SMARCAL1: variants seen among roughly 807,000 people sequenced by gnomAD.
The protein encoded by SMARCAL1 is ATP-driven annealing helicase.
SMARCAL1 carries 58 observed loss-of-function variants against 94.5 expected under a neutral mutation model. The observed-to-expected ratio is 0.61, with a 90% CI of 0.50 to 0.76. The LOEUF is 0.76. Ranked by LOEUF, SMARCAL1 falls within the 30% of genes least tolerant of loss-of-function variation. The probability of loss-of-function intolerance (pLI) is 0.00; values close to 1 mark genes in which losing one functional copy is unlikely to be tolerated. For missense variants in SMARCAL1, 1,051 were observed against 1,177.9 expected (o/e 0.89, Z 1.58); for synonymous variants, 422 against 455.1 (o/e 0.93, Z 0.93).
chr2:216,478,071 C>A, intron 16 of SMARCAL1, 132 bp from the exon 17 acceptor site: 1 of 820,916 alleles, frequency 1.2e-6, no homozygotes, highest in Admixed American at 1.8e-5. Flanking sequence ...GGTGTTTGCA[C>A]CTTGAGAGAT....
intron 4 of SMARCAL1, among the ~76,000 whole-genome samples, chr2:216,418,961 A>C (rs1474808933): frequency 2.0e-5 from 3 of 152,224 alleles, no homozygotes; most frequent in Non-Finnish European, 4.4e-5. Flanking sequence ...ATAGCTGTAT[A>C]ACATTCTGTC....
intron 16 of SMARCAL1, among the ~76,000 whole-genome samples, chr2:216,477,538 G>T (rs537384957): frequency 1.4e-4 from 22 of 152,352 alleles, no homozygotes; most frequent in African/African-American, 5.3e-4. Context: ...GTTCCCAGCT[G>T]TGAAGGCATT....
chr2:216,462,259 G>A (rs1351584669), intron 12 of SMARCAL1, among the ~76,000 whole-genome samples: 2 of 152,160 alleles, frequency 1.3e-5, no homozygotes. Flanking sequence ...TCTTATTAGG[G>A]AGTATGGCAT....
At chr2:216,423,604 AT>A in intron 5 of SMARCAL1, 28 bp from the exon 6 acceptor site, 1 of 1,595,812 alleles carries the variant, frequency 6.3e-7, no homozygotes, top group Non-Finnish European at 8.6e-7. Context: ...AGGGTGTCCT[AT>A]TTGCTTATTT....
intron 12 of SMARCAL1, chr2:216,451,605 G>C (rs755222172): frequency 1.3e-4 from 22 of 169,102 alleles, no homozygotes; most frequent in Non-Finnish European, 2.5e-4. Flanking sequence ...TACAGAGAGG[G>C]AAACTGAGGC....
intron 12 of SMARCAL1, among the ~76,000 whole-genome samples, chr2:216,453,999 T>G (rs1038320876): frequency 6.6e-6 from 1 of 152,254 alleles, no homozygotes; most frequent in Admixed American, 6.5e-5. Context: ...TGTAATCATC[T>G]TTTGTCTAAA....
chr2:216,418,474 A>G (rs1693651475), intron 4 of SMARCAL1, among the ~76,000 whole-genome samples: 1 of 152,166 alleles, frequency 6.6e-6, no homozygotes, highest in Non-Finnish European at 1.5e-5. Context: ...TTGTATTTCT[A>G]AGTTTCAGAT....
intron 12 of SMARCAL1, among the ~76,000 whole-genome samples, chr2:216,455,964 C>T (rs112713869): frequency 0.096 from 14,681 of 152,142 alleles, 877 homozygotes; most frequent in South Asian, 0.18. Flanking sequence ...AAAGATTAGA[C>T]GAATGGCTAA....
At position 216,435,386 on chromosome 2, in the gene SMARCAL1, G is replaced by A. The variant is rs35087810; in HGVS notation, c.1534G>A (p.Val512Met). ...PSLSPDCINV[V>M]VTGKDRLTAG... ...TCTGAGCCCAGATTGCATCAACGTC[G>A]TGGTGACTGGGAAGGACCGCCTGAC... Residue 512 changes from valine (V) to methionine (M), a missense_variant, in exon 9 of 18, where the codon GTG becomes ATG. By Grantham distance (21) the Val-to-Met change is conservative. Coordinates refer to ENST00000357276, the MANE Select transcript of SMARCAL1 (RefSeq NM_014140.4). 5.8e-4 allele frequency: 933 copies of A among 1,614,138 alleles called. 3 individuals are homozygous for A. The African/African-American group carries it at 0.011, about 19-fold the overall frequency.
At chr2:216,415,735 T>C (rs1028027456) in intron 3 of SMARCAL1, among the ~76,000 whole-genome samples, 11 of 152,198 alleles carry the variant, frequency 7.2e-5, no homozygotes, top group Non-Finnish European at 1.5e-4. Context: ...TGGAGAACAG[T>C]TGAATGTTAC....
intron 14 of SMARCAL1, among the ~76,000 whole-genome samples, chr2:216,469,695 A>C (rs770429493): frequency 6.6e-6 from 1 of 152,152 alleles, no homozygotes; most frequent in African/African-American, 2.4e-5. Context: ...GTTTGTATCT[A>C]TGCATTTCTT....
intron 10 of SMARCAL1, among the ~76,000 whole-genome samples, chr2:216,444,943 G>T (rs1171546581): frequency 1.3e-5 from 2 of 152,192 alleles, no homozygotes; most frequent in Non-Finnish European, 2.9e-5. Flanking sequence ...AACCCACGAA[G>T]AAACTAAGCC....
At chr2:216,462,479 G>A (rs190674537) in intron 12 of SMARCAL1, among the ~76,000 whole-genome samples, 1 of 152,274 alleles carries the variant, frequency 6.6e-6, no homozygotes, top group East Asian at 1.9e-4. Context: ...TCCATGAATG[G>A]ATTTCATGAA....
At chr2:216,461,003 T>C (rs1694685087) in intron 12 of SMARCAL1, among the ~76,000 whole-genome samples, 1 of 151,280 alleles carries the variant, frequency 6.6e-6, no homozygotes, top group Non-Finnish European at 1.5e-5. Context: ...CAAAACCAGA[T>C]TAAGGAATGG....
At position 216,475,159 on chromosome 2, in the gene SMARCAL1, G is replaced by A. The variant is rs1337520850; in HGVS notation, c.2245-110G>A. On this transcript the variant is annotated intron_variant, in intron 14 of 17. Coordinates refer to ENST00000357276, the MANE Select transcript of SMARCAL1 (RefSeq NM_014140.4). This position sits in a 1 kb window ranked among gnomAD's most constrained non-coding sequence, Gnocchi z 4.4. ...GAAAAGAAAAGCTCTGAAGGCAGGG[G>A]CCTCTGCTGAGCTGGAACCTGGTTC... is the stretch of plus-strand genomic sequence containing the variant. 2 of 1,004,972 alleles carry A rather than the reference G, an allele frequency of 2.0e-6. No homozygotes were observed. Among genetic ancestry groups the A allele is most frequent in the Non-Finnish European group, 3.1e-6 (2 of 647,918 alleles). The allele number at this position is 1,004,972 out of a possible 1,614,324, so 62.3% of individuals were successfully genotyped here.
Position 216,415,099 on chromosome 2 carries a change from A to G in SMARCAL1, c.395A>G (p.Glu132Gly). 6.2e-7 allele frequency: 1 copy of G among 1,614,052 alleles called. No homozygotes were observed. The highest frequency in any genetic ancestry group is 1.3e-5 in the African/African-American group (1 of 75,000). The stretch of plus-strand genomic sequence containing the variant: ...CCTCCCTTGGCACAAAGTCCTCCAG[A>G]GGTCCCTAAACAACAGCTCTTGAGT... ...ISPPLAQSPP[E>G]VPKQQLLSYE... is the part of the protein sequence containing the mutation. The change falls in exon 3 of 18, where the codon GAG becomes GGG. Residue 132 changes from glutamate to glycine, a missense_variant. By Grantham distance (98) the Glu-to-Gly change is moderately conservative. Transcript: ENST00000357276.
rs374876609 is a variant in SMARCAL1, at chr2:216,420,501, G to T, written c.1065G>T (p.Ala355=). ...TCAGTTATTCACAGGACCTTATTGC[G>T]CTTTTTAAACAGATGGATTCCAGAA... ...ADISYSQDLI[A]LFKQMDSRRY... is the part of the protein sequence containing the mutation. The change falls in exon 5 of 18, where the codon GCG becomes GCT. Residue 355 remains alanine, a synonymous_variant. Transcript: ENST00000357276. 6.2e-7 allele frequency: 1 copy of T among 1,614,084 alleles called. No individual in the cohort carries two copies.
intron 7 of SMARCAL1, 128 bp from the exon 8 acceptor site, chr2:216,432,590 C>A: frequency 9.5e-7 from 1 of 1,056,360 alleles, no homozygotes; most frequent in Non-Finnish European, 1.4e-6. Context: ...GGGAGCAAGT[C>A]TGGTGGTGGG....
At chr2:216,466,507 A>G (rs1694832187) in intron 13 of SMARCAL1, among the ~76,000 whole-genome samples, 1 of 152,188 alleles carries the variant, frequency 6.6e-6, no homozygotes, top group South Asian at 2.1e-4. Context: ...CAATTTCCTC[A>G]GCTAGTTGTT....
Sources: allele counts gnomAD v4.1 joint callset (sites outside exome capture counted in the v4.1 genomes callset), GRCh38; gene constraint gnomAD v4.1.1; non-coding constraint Gnocchi (gnomAD v3.1); transcripts MANE v1.5; gene names NCBI Gene and HGNC (gene_info 2026-07-23, HGNC 2026-07-21).